BCAS4: variants seen among roughly 807,000 people sequenced by gnomAD.
BCAS4 encodes breast carcinoma amplified sequence 4.
Under a neutral mutation model 15.7 loss-of-function variants are expected in BCAS4, and 9 were observed. The ratio of observed to expected loss-of-function variants is 0.57; its 90% CI spans 0.34 to 1.00. The LOEUF (loss-of-function observed/expected upper bound fraction) is 1.00. Among genes scored for constraint, BCAS4 ranks in the 50% least tolerant of loss-of-function variants. The probability of loss-of-function intolerance (pLI) is 0.02; values close to 1 mark genes in which losing one functional copy is unlikely to be tolerated. For missense variants in BCAS4, 225 were observed against 239.1 expected, an observed-to-expected ratio of 0.94 and a Z score of 0.39; for synonymous variants, 101 against 99.5, an observed-to-expected ratio of 1.02 and a Z score of -0.09.
In BCAS4 at chr20:50,876,669, G is replaced by A. The variant is rs1979970715; in HGVS notation, c.*61G>A. The A allele has an allele frequency of 1.3e-6, 2 of 1,553,176 alleles. No individual in the cohort carries two copies. The highest frequency in any genetic ancestry group is 2.5e-5 in the South Asian group (2 of 81,362). The stretch of plus-strand genomic sequence containing the variant: ...GACATTGTGTACACACTGCAGCTTG[G>A]GGGTTTTTTCTTTGTATTGCTGTTT... On this transcript the variant is annotated 3_prime_UTR_variant, in exon 5 of 5. Transcript: ENST00000371608.
chr20:50,879,565 G>T (rs1031133550), downstream of BCAS4: 1 of 152,264 alleles, frequency 6.6e-6, no homozygotes, highest in Non-Finnish European at 1.5e-5. Flanking sequence ...TAGACAAGCA[G>T]TTGAGGACAC....
chr20:50,851,187 A>T lies in BCAS4; in HGVS notation c.399+9287A>T, dbSNP rs150118784. On this transcript the variant is annotated intron_variant, in intron 4 of 4. Transcript: ENST00000371608. This position sits in a 1 kb window ranked among gnomAD's most constrained non-coding sequence, Gnocchi z 4.3. ...GAGGCTGGGTAAGACACAAACAAGA[A>T]GGGAGAGGAAATTGTGAGGCGCCTT... 6.6e-6 allele frequency among the ~76,000 whole-genome samples: 1 copy of T among 152,296 alleles called. No homozygotes were observed. The highest frequency in any genetic ancestry group is 1.9e-4 in the East Asian group (1 of 5,174).
intron 4 of BCAS4, among the ~76,000 whole-genome samples, chr20:50,868,121 G>C (rs750510726): frequency 1.3e-5 from 2 of 152,164 alleles, no homozygotes; most frequent in Non-Finnish European, 2.9e-5. Context: ...GAGGAAGACC[G>C]CAGAGGTAAG....
At chr20:50,823,047 G>C (rs2088235407) in intron 2 of BCAS4, among the ~76,000 whole-genome samples, 1 of 151,928 alleles carries the variant, frequency 6.6e-6, no homozygotes, top group East Asian at 1.9e-4. Flanking sequence ...AATGTTCATA[G>C]AAGCCTTATT....
intron 1 of BCAS4, among the ~76,000 whole-genome samples, chr20:50,802,922 C>G (rs2087945789): frequency 6.6e-6 from 1 of 151,650 alleles, no homozygotes; most frequent in African/African-American, 2.4e-5. Context: ...TGGCTCATGC[C>G]TGTAATCCCA....
intron 4 of BCAS4, among the ~76,000 whole-genome samples, chr20:50,870,672 CT>C: frequency 6.6e-6 from 1 of 152,388 alleles, no homozygotes; most frequent in Non-Finnish European, 1.5e-5. Flanking sequence ...AACCGGCAGT[CT>C]GCTTTTCACG....
rs188447633 is a variant in BCAS4, at chr20:50,859,461, G to A, written c.400-17025G>A. Among the ~76,000 whole-genome samples, 30 of 152,318 alleles carry A rather than the reference G, an allele frequency of 2.0e-4. No individual in the cohort carries two copies. In the East Asian group the frequency reaches 5.8e-3, roughly 29 times the overall value. ...GCCCTGTAAGGAAGGGAAAGGAGAG[G>A]TGTCTGAGGAGGAGGAGACAGGGGC... On this transcript the variant is annotated intron_variant, in intron 4 of 4. Transcript: ENST00000371608.
intron 3 of BCAS4, among the ~76,000 whole-genome samples, chr20:50,836,579 G>A (rs768920699): frequency 6.6e-6 from 1 of 152,192 alleles, no homozygotes; most frequent in African/African-American, 2.4e-5. Flanking sequence ...CCAGCCGGGG[G>A]TCCTGGGGTG....
intron 4 of BCAS4, among the ~76,000 whole-genome samples, chr20:50,848,714 G>C (rs1348606736): frequency 1.3e-5 from 2 of 152,266 alleles, no homozygotes; most frequent in African/African-American, 2.4e-5. Context: ...CACCAGAGCT[G>C]AGCAGGGCAC....
intron 4 of BCAS4, among the ~76,000 whole-genome samples, chr20:50,872,199 G>A (rs1462424359): frequency 6.8e-6 from 1 of 147,026 alleles, no homozygotes. Context: ...GGAAGGCAGA[G>A]GCTTCGGTGA....
At chr20:50,857,567 G>A (rs6096130) in intron 4 of BCAS4, among the ~76,000 whole-genome samples, 49,630 of 152,118 alleles carry the variant, frequency 0.33, 8,952 homozygotes, top group African/African-American at 0.49. Context: ...ACACAGCTAG[G>A]AAGGGGGACC....
chr20:50,830,585 C>T (rs1600867732), intron 3 of BCAS4, among the ~76,000 whole-genome samples: 2 of 152,238 alleles, frequency 1.3e-5, no homozygotes, highest in East Asian at 1.9e-4. Flanking sequence ...TGCAGTGGCT[C>T]ATGCCTGTAA....
In BCAS4 at chr20:50,837,324, C is replaced by T. The variant is rs556171797; in HGVS notation, c.265-4442C>T. 3.9e-5 allele frequency among the ~76,000 whole-genome samples: 6 copies of T among 152,198 alleles called. No individual in the cohort carries two copies. The South Asian group carries it at 1.0e-3, about 26-fold the overall frequency. On this transcript the variant is annotated intron_variant, in intron 3 of 4. Transcript: ENST00000371608. ...TTCAAATTCTCCAGGCATAGTGGCT[C>T]GGCCTGTAATCCCAGCATTTGGGAG... is the stretch of plus-strand genomic sequence containing the variant.
intron 4 of BCAS4, among the ~76,000 whole-genome samples, chr20:50,859,149 C>T (rs2123832931): frequency 6.6e-6 from 1 of 152,116 alleles, no homozygotes; most frequent in Middle Eastern, 3.4e-3. Context: ...TGCTATGTTG[C>T]CCAGGCTGGT....
At chr20:50,795,237 C>A in intron 1 of BCAS4, 64 bp downstream of exon 1, 1 of 1,254,178 alleles carries the variant, frequency 8.0e-7, no homozygotes, top group South Asian at 2.6e-5. Flanking sequence ...GGGCTCCGGA[C>A]CCTCGGCTTC....
chr20:50,824,767 T>A (rs958630525), intron 2 of BCAS4, among the ~76,000 whole-genome samples: 7 of 152,196 alleles, frequency 4.6e-5, no homozygotes, highest in Non-Finnish European at 8.8e-5. Flanking sequence ...CAGCTGATTG[T>A]TGCCATGTGG....
intron 4 of BCAS4, chr20:50,876,044 G>A (rs776362344): frequency 4.4e-6 from 2 of 455,686 alleles, no homozygotes; most frequent in South Asian, 1.6e-5. Context: ...TCCGCCTCCC[G>A]GGTTCAAGTG....
chr20:50,850,022 C>G (rs1216245722), intron 4 of BCAS4, among the ~76,000 whole-genome samples: 1 of 152,094 alleles, frequency 6.6e-6, no homozygotes, highest in Non-Finnish European at 1.5e-5. Context: ...CAGCATAGCC[C>G]CAGCTCTGGA....
chr20:50,875,847 C>G (rs1428065754), intron 4 of BCAS4: 1 of 423,182 alleles, frequency 2.4e-6, no homozygotes, highest in Non-Finnish European at 4.7e-6. Flanking sequence ...TGAGATGGCC[C>G]TGCAGAGCTG....
Sources: allele counts gnomAD v4.1 joint callset (sites outside exome capture counted in the v4.1 genomes callset), GRCh38; gene constraint gnomAD v4.1.1; non-coding constraint Gnocchi (gnomAD v3.1); transcripts MANE v1.5; gene names NCBI Gene and HGNC (gene_info 2026-07-23, HGNC 2026-07-21).